The following LUZP2 variants were observed in gnomAD, a reference collection of about 807,000 sequenced individuals.
LUZP2 encodes the protein leucine zipper protein 2.
Under a neutral mutation model 51.6 loss-of-function variants are expected in LUZP2, and 52 were observed. The ratio of observed to expected loss-of-function variants is 1.01; its 90% CI spans 0.81 to 1.27. The LOEUF (loss-of-function observed/expected upper bound fraction) is 1.27, where lower values mean the gene tolerates loss of function less well. Ranked by LOEUF, LUZP2 falls within the 50% of genes most tolerant of loss-of-function variation. The pLI is 0.00. For synonymous variants in LUZP2, 154 were observed against 137.3 expected, an observed-to-expected ratio of 1.12 and a Z score of -0.85; for missense variants, 436 against 395.4, an observed-to-expected ratio of 1.10 and a Z score of -0.87.
At chr11:24,765,566 C>A (rs935814290) in intron 5 of LUZP2, among the ~76,000 whole-genome samples, 1 of 151,874 alleles carries the variant, frequency 6.6e-6, no homozygotes. Flanking sequence ...CATTTATTGA[C>A]CACATATGTT....
At chr11:24,928,066 T>C (rs1436857153) in intron 7 of LUZP2, among the ~76,000 whole-genome samples, 1 of 152,116 alleles carries the variant, frequency 6.6e-6, no homozygotes, top group African/African-American at 2.4e-5. Flanking sequence ...ATGGCAGAGC[T>C]ACTGATTTGT....
At chr11:24,764,222 C>A (rs1178712135) in intron 5 of LUZP2, among the ~76,000 whole-genome samples, 1 of 152,158 alleles carries the variant, frequency 6.6e-6, no homozygotes, top group Non-Finnish European at 1.5e-5. Context: ...CGTACACACA[C>A]AATCAGCAAT....
chr11:24,670,916 G>A (rs1406651483), intron 1 of LUZP2, among the ~76,000 whole-genome samples: 3 of 151,586 alleles, frequency 2.0e-5, no homozygotes, highest in Admixed American at 1.3e-4. Flanking sequence ...TAATTAATCC[G>A]ATAATAATGT....
In LUZP2 at chr11:24,636,962, T is replaced by C. The variant is rs941008241; in HGVS notation, c.63-92207T>C. Among the ~76,000 whole-genome samples, 7 of 151,564 alleles carry C rather than the reference T, an allele frequency of 4.6e-5. No individual in the cohort carries two copies. The East Asian group carries it at 1.3e-3, about 29-fold the overall frequency. ...AATTGAATTTTAAATATAAAAATTA[T>C]AGAATATATATTAAAAACTATCAGT... On this transcript the variant is annotated intron_variant, in intron 1 of 11. Coordinates refer to ENST00000336930, the MANE Select transcript of LUZP2 (RefSeq NM_001009909.4).
intron 5 of LUZP2, among the ~76,000 whole-genome samples, chr11:24,778,207 C>G (rs1270263378): frequency 6.6e-6 from 1 of 151,838 alleles, no homozygotes; most frequent in African/African-American, 2.4e-5. Context: ...TTGAGACCAG[C>G]TTGGGCAACA....
chr11:24,959,376 C>T (rs917235035), intron 7 of LUZP2, among the ~76,000 whole-genome samples: 27 of 152,132 alleles, frequency 1.8e-4, no homozygotes, highest in Non-Finnish European at 2.4e-4. Flanking sequence ...ATTGATACTT[C>T]CTACCCATGA....
At position 24,623,294 on chromosome 11, in the gene LUZP2, G is replaced by T. The variant is rs192343887; in HGVS notation, c.63-105875G>T. Among the ~76,000 whole-genome samples the T allele has an allele frequency of 2.4e-3, 364 of 152,258 alleles. 2 individuals carry two copies. The highest frequency in any genetic ancestry group is 8.1e-3 in the African/African-American group (336 of 41,546). On this transcript the variant is annotated intron_variant, in intron 1 of 11. Transcript: ENST00000336930. ...TTAAAGAGGATTGCAAAACTCTTAA[G>T]CCAGTGCTGGCTTAAAATAATAAAA...
intron 5 of LUZP2, among the ~76,000 whole-genome samples, chr11:24,896,271 T>G (rs935128089): frequency 2.6e-5 from 4 of 151,966 alleles, no homozygotes; most frequent in African/African-American, 9.7e-5. Context: ...TCCCTCTGCT[T>G]GCAGGGAGGT....
intron 1 of LUZP2, among the ~76,000 whole-genome samples, chr11:24,555,880 A>G (rs1274438563): frequency 6.6e-6 from 1 of 152,136 alleles, no homozygotes; most frequent in African/African-American, 2.4e-5. Context: ...TCAGGAGGCT[A>G]ACTGGGAGGA....
At chr11:24,743,458 A>C (rs1039962425) in intron 4 of LUZP2, among the ~76,000 whole-genome samples, 1 of 151,986 alleles carries the variant, frequency 6.6e-6, no homozygotes, top group African/African-American at 2.4e-5. Context: ...GCTATTATAA[A>C]AGGGGTTGAA....
intron 1 of LUZP2, among the ~76,000 whole-genome samples, chr11:24,648,360 T>C (rs918117327): frequency 4.6e-5 from 7 of 151,866 alleles, no homozygotes; most frequent in African/African-American, 1.7e-4. Flanking sequence ...CCCTAACCTA[T>C]CTCTTACCCC....
chr11:25,058,643 C>T (rs75458923), intron 10 of LUZP2, among the ~76,000 whole-genome samples: 2,238 of 152,220 alleles, frequency 0.015, 30 homozygotes, highest in South Asian at 0.071. Flanking sequence ...AGGGCAAAGG[C>T]TATAAAAATA....
chr11:24,508,022 A>G (rs889538478), intron 1 of LUZP2, among the ~76,000 whole-genome samples: 2 of 151,686 alleles, frequency 1.3e-5, no homozygotes, highest in Non-Finnish European at 2.9e-5. Flanking sequence ...AGTACTTAGC[A>G]ATTATATAAT....
chr11:24,500,670 G>T (rs563152883), intron 1 of LUZP2, among the ~76,000 whole-genome samples: 1 of 152,268 alleles, frequency 6.6e-6, no homozygotes, highest in Admixed American at 6.5e-5. Context: ...CCTTTGGATT[G>T]TTAACTTTTA....
intron 5 of LUZP2, among the ~76,000 whole-genome samples, chr11:24,784,039 T>C (rs1303066906): frequency 6.6e-6 from 1 of 151,932 alleles, no homozygotes; most frequent in Non-Finnish European, 1.5e-5. Context: ...TTGCGTGGCT[T>C]CATTAAATAC....
intron 9 of LUZP2, among the ~76,000 whole-genome samples, chr11:24,999,796 G>T (rs1430287903): frequency 6.6e-6 from 1 of 152,128 alleles, no homozygotes; most frequent in African/African-American, 2.4e-5. Context: ...CTTCTGGTGG[G>T]TTGTTGGTCT....
chr11:24,563,418 T>C (rs1230077313), intron 1 of LUZP2, among the ~76,000 whole-genome samples: 1 of 152,194 alleles, frequency 6.6e-6, no homozygotes, highest in African/African-American at 2.4e-5. Flanking sequence ...AAATTGAAAA[T>C]TTAATACACA....
At chr11:24,844,510 T>C (rs1487301901) in intron 5 of LUZP2, among the ~76,000 whole-genome samples, 2 of 152,176 alleles carry the variant, frequency 1.3e-5, no homozygotes, top group Non-Finnish European at 1.5e-5. Flanking sequence ...AATTCCATTT[T>C]CTGAGGAGAA....
intron 1 of LUZP2, among the ~76,000 whole-genome samples, chr11:24,600,477 A>G (rs1325923983): frequency 6.6e-6 from 1 of 152,174 alleles, no homozygotes; most frequent in Non-Finnish European, 1.5e-5. Context: ...CAGAGGGGGA[A>G]TGGAAATTTA....
Sources: allele counts gnomAD v4.1 joint callset (sites outside exome capture counted in the v4.1 genomes callset), GRCh38; gene constraint gnomAD v4.1.1; transcripts MANE v1.5; gene names NCBI Gene and HGNC (gene_info 2026-07-23, HGNC 2026-07-21).